The following CAMK2B variants were observed in gnomAD, a reference collection of about 807,000 sequenced individuals.
CAMK2B encodes calcium/calmodulin-dependent protein kinase type II subunit beta.
Under a neutral mutation model 93.7 loss-of-function variants are expected in CAMK2B, and 27 were observed. The observed-to-expected ratio is 0.29, with a 90% CI of 0.21 to 0.40. The LOEUF is 0.40. Among genes scored for constraint, CAMK2B ranks in the 10% least tolerant of loss-of-function variants. The pLI, the probability that CAMK2B is intolerant of heterozygous loss-of-function variation, is 1.00. For missense variants in CAMK2B, 568 were observed against 895.8 expected (o/e 0.63, Z 4.67); for synonymous variants, 374 against 358.8 (o/e 1.04, Z -0.48).
At chr7:44,240,432 C>T (rs2128959205) in intron 12 of CAMK2B, among the ~76,000 whole-genome samples, 1 of 152,372 alleles carries the variant, frequency 6.6e-6, no homozygotes, top group Middle Eastern at 3.4e-3. Context: ...ATGCTGTGAG[C>T]CCCAGTGGGG....
chr7:44,293,299 C>G (rs1787363139), intron 1 of CAMK2B, among the ~76,000 whole-genome samples: 1 of 152,210 alleles, frequency 6.6e-6, no homozygotes, highest in Non-Finnish European at 1.5e-5. Context: ...TTTGACAATG[C>G]TATGAGCAGA....
chr7:44,275,066 C>T (rs73691447), intron 2 of CAMK2B, among the ~76,000 whole-genome samples: 15,161 of 152,212 alleles, frequency 0.1, 822 homozygotes, highest in African/African-American at 0.13. Context: ...AGCCCCTGAC[C>T]CTGCAAGATG....
chr7:44,262,975 C>T, intron 3 of CAMK2B, 30 bp downstream of exon 3: 1 of 1,595,414 alleles, frequency 6.3e-7, no homozygotes, highest in Non-Finnish European at 8.6e-7. Flanking sequence ...GGTGGGGACC[C>T]ATCCCCGCTC....
chr7:44,302,001 A>T (rs77600190), intron 1 of CAMK2B, among the ~76,000 whole-genome samples: 13,494 of 152,216 alleles, frequency 0.089, 807 homozygotes, highest in Non-Finnish European at 0.12. Context: ...GAAAACTGCT[A>T]ATCAGGTTAA....
intron 2 of CAMK2B, among the ~76,000 whole-genome samples, chr7:44,277,174 G>C (rs902799488): frequency 7.9e-5 from 12 of 152,330 alleles, no homozygotes; most frequent in East Asian, 3.9e-4. Context: ...CAAGCGGGCG[G>C]GGGGTTGGGG....
intron 16 of CAMK2B, among the ~76,000 whole-genome samples, chr7:44,232,270 G>A (rs116979312): frequency 0.012 from 1,890 of 152,264 alleles, 33 homozygotes; most frequent in Non-Finnish European, 0.017. Context: ...GTGTAGTGGC[G>A]CTGTTTTGGA....
At chr7:44,241,036 G>A (rs2096672958) in intron 11 of CAMK2B, among the ~76,000 whole-genome samples, 1 of 152,192 alleles carries the variant, frequency 6.6e-6, no homozygotes. Context: ...CAGAACAGCT[G>A]GTCACCACGG....
At chr7:44,222,226 A>C (rs1040931982) in intron 20 of CAMK2B, among the ~76,000 whole-genome samples, 3 of 152,278 alleles carry the variant, frequency 2.0e-5, no homozygotes, top group Admixed American at 6.5e-5. Flanking sequence ...CTGTGGGGGA[A>C]GTCTCTGCAC....
At chr7:44,316,499 G>A (rs1324213707) in intron 1 of CAMK2B, among the ~76,000 whole-genome samples, 1 of 152,110 alleles carries the variant, frequency 6.6e-6, no homozygotes, top group Non-Finnish European at 1.5e-5. Context: ...GATATCTTTG[G>A]TTTTGGTATT....
At chr7:44,234,255 G>A (rs1009604052) in intron 15 of CAMK2B, 135 bp downstream of exon 15, 14 of 714,768 alleles carry the variant, frequency 2.0e-5, no homozygotes, top group African/African-American at 3.6e-5. Context: ...GATGAGGGGC[G>A]GGGGCCATGC....
rs1229941607 is a variant in CAMK2B at position 44,226,606 on chromosome 7, C to A, written c.1507G>T (p.Gly503Cys). 2 of 1,523,426 alleles carry A rather than the reference C, an allele frequency of 1.3e-6. No homozygotes were observed. The highest frequency in any genetic ancestry group is 1.3e-5 in the South Asian group (1 of 77,360). The allele number at this position is 1,523,426 out of a possible 1,614,324, so 94.4% of individuals were successfully genotyped here. A position where few individuals can be genotyped will look rare whatever the true frequency, so the allele number is the denominator to read the frequency against. Residue 503 changes from glycine to cysteine, a missense_variant, in exon 20 of 24, where the codon GGC (glycine) becomes TGC (cysteine). Physicochemically the swap from Gly to Cys is radical, Grantham distance 159. This residue lies in a region of CAMK2B where 308 missense variants were observed against 292.1 expected (regional missense o/e 1.05). Transcript: ENST00000395749. Reference sequence around the variant, plus strand: ...CCCTCGGCTTCTGGGGTCCCTGAGCCCCTCCTCACAGAGTTCAGGATGTCA... The same window carrying A: ...CCCTCGGCTTCTGGGGTCCCTGAGCACCTCCTCACAGAGTTCAGGATGTCA... ...ISDILNSVRR[G>C]SGTPEAEGPS... is the part of the protein sequence containing the mutation.
Position 44,282,223 on chromosome 7 carries a change from C to T in CAMK2B, c.160+1908G>A, listed in dbSNP as rs140678029. 3.8e-3 allele frequency among the ~76,000 whole-genome samples: 583 copies of T among 152,316 alleles called. 6 individuals are homozygous for T. The highest frequency in any genetic ancestry group is 0.013 in the African/African-American group (553 of 41,576). On this transcript the variant is annotated intron_variant, in intron 2 of 23. Coordinates refer to ENST00000395749, the MANE Select transcript of CAMK2B (RefSeq NM_001220.5). ...ACAACTGAGCACCGCCCACTTATGA[C>T]CAGTTCTCTGTCTTGATCAAGAAAA...
chr7:44,307,854 T>C (rs893457554), intron 1 of CAMK2B, among the ~76,000 whole-genome samples: 28 of 152,136 alleles, frequency 1.8e-4, no homozygotes, highest in African/African-American at 6.0e-4. Context: ...TCATCCGTAC[T>C]TCAACTGGGG....
chr7:44,298,319 G>A (rs899524138), intron 1 of CAMK2B, among the ~76,000 whole-genome samples: 5 of 152,150 alleles, frequency 3.3e-5, no homozygotes, highest in African/African-American at 9.7e-5. Context: ...GTGGTGCTGG[G>A]GAAACTGGGA....
chr7:44,314,402 C>T (rs767949913), intron 1 of CAMK2B, among the ~76,000 whole-genome samples: 19 of 152,218 alleles, frequency 1.2e-4, no homozygotes, highest in Non-Finnish European at 2.2e-4. Context: ...GCTTCTTGCA[C>T]TGAGCATGAC....
intron 6 of CAMK2B, among the ~76,000 whole-genome samples, chr7:44,245,767 C>T (rs2096724025): frequency 6.6e-6 from 1 of 152,126 alleles, no homozygotes; most frequent in African/African-American, 2.4e-5. Context: ...ACACTCTCCC[C>T]AGAGCAGCAC....
intron 1 of CAMK2B, among the ~76,000 whole-genome samples, chr7:44,307,999 G>A (rs951221159): frequency 6.6e-6 from 1 of 151,984 alleles, no homozygotes; most frequent in Non-Finnish European, 1.5e-5. Flanking sequence ...CAAAGCGCTG[G>A]GATTCCAGGC....
At chr7:44,284,491 T>G (rs1482148403) in intron 1 of CAMK2B, among the ~76,000 whole-genome samples, 1 of 152,200 alleles carries the variant, frequency 6.6e-6, no homozygotes, top group Admixed American at 6.5e-5. Context: ...CCTGGGGGGC[T>G]GTGCAGAGAA....
At chr7:44,290,323 C>A (rs1786426739) in intron 1 of CAMK2B, among the ~76,000 whole-genome samples, 1 of 152,268 alleles carries the variant, frequency 6.6e-6, no homozygotes, top group Non-Finnish European at 1.5e-5. Context: ...GCGGGCCAGG[C>A]GCTGTCTCCC....
Sources: allele counts gnomAD v4.1 joint callset (sites outside exome capture counted in the v4.1 genomes callset), GRCh38; gene constraint gnomAD v4.1.1; regional missense constraint gnomAD v4.1.1; transcripts MANE v1.5; gene names NCBI Gene and HGNC (gene_info 2026-07-23, HGNC 2026-07-21).